The following CMTM7 variants were observed in gnomAD, a reference collection of about 807,000 sequenced individuals.
CMTM7 encodes CKLF like MARVEL transmembrane domain containing 7.
A neutral mutation model predicts 19.3 loss-of-function variants in CMTM7; 7 were observed. That is an observed-to-expected ratio of 0.36 (90% CI 0.21 to 0.68). CMTM7 has a LOEUF of 0.68. Among genes scored for constraint, CMTM7 ranks in the 30% least tolerant of loss-of-function variants. The pLI is 0.60. For missense variants in CMTM7, 193 were observed against 232.6 expected, an observed-to-expected ratio of 0.83 and a Z score of 1.11; for synonymous variants, 87 against 99.3, an observed-to-expected ratio of 0.88 and a Z score of 0.74.
intron 1 of CMTM7, among the ~76,000 whole-genome samples, chr3:32,426,248 A>G (rs1182944853): frequency 2.0e-5 from 3 of 152,206 alleles, no homozygotes; most frequent in African/African-American, 7.2e-5. Flanking sequence ...AGCTAACCAC[A>G]GTTAACACAC....
chr3:32,454,122 C>A, intron 4 of CMTM7, 119 bp from the exon 5 acceptor site: 2 of 1,082,506 alleles, frequency 1.8e-6, no homozygotes, highest in Non-Finnish European at 2.7e-6. Context: ...TGCAAGTCGG[C>A]ACTGGGTGGA....
chr3:32,400,235 G>C (rs956077380), intron 1 of CMTM7, among the ~76,000 whole-genome samples: 1 of 151,968 alleles, frequency 6.6e-6, no homozygotes, highest in African/African-American at 2.4e-5. Flanking sequence ...GGCCAGGCTG[G>C]TCTCAAACCC....
intron 1 of CMTM7, among the ~76,000 whole-genome samples, chr3:32,422,907 T>C (rs1257227561): frequency 6.6e-6 from 1 of 152,220 alleles, no homozygotes; most frequent in African/African-American, 2.4e-5. Flanking sequence ...ACCCAAGTAA[T>C]TTATTGATGT....
At chr3:32,421,367 T>G in intron 1 of CMTM7, among the ~76,000 whole-genome samples, 1 of 152,204 alleles carries the variant, frequency 6.6e-6, no homozygotes, top group Non-Finnish European at 1.5e-5. Context: ...CACATACCTG[T>G]GCAGTTTGCC....
chr3:32,422,301 C>T (rs1477084085), intron 1 of CMTM7, among the ~76,000 whole-genome samples: 2 of 152,208 alleles, frequency 1.3e-5, no homozygotes, highest in East Asian at 1.9e-4. Flanking sequence ...TTAATCAAGG[C>T]GGCCTACACC....
chr3:32,445,049 G>T (rs1392930263), intron 2 of CMTM7, among the ~76,000 whole-genome samples: 7 of 152,082 alleles, frequency 4.6e-5, no homozygotes, highest in Non-Finnish European at 1.0e-4. Flanking sequence ...TTTGCATATT[G>T]ATTTGTGTCC....
intron 1 of CMTM7, among the ~76,000 whole-genome samples, chr3:32,419,621 G>C (rs1048098608): frequency 6.6e-6 from 1 of 152,074 alleles, no homozygotes; most frequent in Non-Finnish European, 1.5e-5. Context: ...CGCTTTTTCT[G>C]TCTCAGTTGA....
Position 32,454,588 on chromosome 3 carries a change from C to T in CMTM7, c.*334C>T, listed in dbSNP as rs1696882720. 1.9e-6 allele frequency: 1 copy of T among 520,004 alleles called. No individual in the cohort carries two copies. The highest frequency in any genetic ancestry group is 3.6e-6 in the Non-Finnish European group (1 of 276,660). The allele number at this position is 520,004 out of a possible 1,614,324, so 32.2% of individuals were successfully genotyped here. ...GCACAGCTGAAGGGGTTTGTGAATA[C>T]TCCCGCCTAAATCCCTTCTACTTCA... is the stretch of plus-strand genomic sequence containing the variant. On this transcript the variant is annotated 3_prime_UTR_variant, in exon 5 of 5. Coordinates refer to ENST00000334983, the MANE Select transcript of CMTM7 (RefSeq NM_138410.4).
rs368112448 is a variant in CMTM7 at position 32,452,919 on chromosome 3, ATTTTTTTTTTTTTTTTTTTTTTTT to A, written c.514+457_514+480del. ...GTGTGCACCACCATGCCTAATTTCAATTTTTTTTTTTTTTTTTTTTTTTTTTTTTTTTTTAGAGTTGGAGTCTCA... is the reference window on the plus strand; with the variant it reads ...GTGTGCACCACCATGCCTAATTTCAATTTTTTTTTTAGAGTTGGAGTCTCA... On this transcript the variant is annotated intron_variant, in intron 4 of 4. Coordinates refer to ENST00000334983, the MANE Select transcript of CMTM7 (RefSeq NM_138410.4). 8.5e-4 allele frequency among the ~76,000 whole-genome samples: 30 copies of A among 35,322 alleles called. 1 individual carries two copies. Among genetic ancestry groups the A allele is most frequent in the Non-Finnish European group, 2.5e-4 (5 of 19,726 alleles). 23.2% of individuals were successfully genotyped at this position (35,322 alleles called of 152,430 possible).
intron 1 of CMTM7, among the ~76,000 whole-genome samples, chr3:32,416,387 T>C (rs1696265075): frequency 9.7e-6 from 1 of 103,106 alleles, no homozygotes; most frequent in East Asian, 2.6e-4. Context: ...TTTTTTTTTT[T>C]TTTTTTTTTT....
intron 3 of CMTM7, 81 bp from the exon 4 acceptor site, chr3:32,452,311 A>G (rs1016883366): frequency 2.5e-6 from 4 of 1,610,892 alleles, no homozygotes; most frequent in African/African-American, 1.3e-5. Context: ...GGGAACAAGC[A>G]CAGAGATGAG....
chr3:32,427,314 G>A (rs551137574), intron 1 of CMTM7, among the ~76,000 whole-genome samples: 2 of 152,342 alleles, frequency 1.3e-5, no homozygotes, highest in Non-Finnish European at 2.9e-5. Context: ...CTTTTATTGA[G>A]TGGCTGCCTT....
At chr3:32,407,835 A>G (rs1438340179) in intron 1 of CMTM7, among the ~76,000 whole-genome samples, 3 of 152,204 alleles carry the variant, frequency 2.0e-5, no homozygotes, top group African/African-American at 7.2e-5. Context: ...GGATGTGATC[A>G]CTACTGTAAC....
intron 1 of CMTM7, among the ~76,000 whole-genome samples, chr3:32,422,124 G>A (rs888865331): frequency 1.3e-5 from 2 of 152,106 alleles, no homozygotes; most frequent in Non-Finnish European, 2.9e-5. Flanking sequence ...GGCCCCACAG[G>A]GCACAACGTG....
At chr3:32,450,376 G>C (rs930181728) in intron 3 of CMTM7, among the ~76,000 whole-genome samples, 2 of 152,122 alleles carry the variant, frequency 1.3e-5, no homozygotes, top group Non-Finnish European at 1.5e-5. Flanking sequence ...CCTGGGCAAC[G>C]TACTGAGACC....
intron 1 of CMTM7, among the ~76,000 whole-genome samples, chr3:32,418,780 C>G (rs759852844): frequency 5.9e-5 from 9 of 152,232 alleles, no homozygotes; most frequent in Admixed American, 2.6e-4. Flanking sequence ...ACCAGTACCA[C>G]ACTGTCTTGA....
At chr3:32,444,495 G>A (rs1197071655) in intron 2 of CMTM7, among the ~76,000 whole-genome samples, 15 of 152,162 alleles carry the variant, frequency 9.9e-5, no homozygotes, top group Admixed American at 9.8e-4. Context: ...CAAATATGCA[G>A]CCTCCCAATT....
At chr3:32,453,008 C>A (rs1198114751) in intron 4 of CMTM7, among the ~76,000 whole-genome samples, 1 of 144,240 alleles carries the variant, frequency 6.9e-6, no homozygotes, top group Non-Finnish European at 1.5e-5. Flanking sequence ...TGGGCTCAAG[C>A]AGTCCTCCCA....
intron 1 of CMTM7, among the ~76,000 whole-genome samples, chr3:32,409,036 C>T (rs996991386): frequency 5.9e-5 from 9 of 152,094 alleles, no homozygotes; most frequent in African/African-American, 2.2e-4. Flanking sequence ...CACGCGCCAC[C>T]ATGCCCAGCT....
Sources: gnomAD v4.1 joint callset for allele counts (sites outside exome capture counted in the v4.1 genomes callset) on GRCh38, gnomAD v4.1.1 for gene constraint, MANE v1.5 for transcripts, NCBI Gene and HGNC (gene_info 2026-07-23, HGNC 2026-07-21) for gene names.